MED12L: variants seen among roughly 807,000 people sequenced by gnomAD.
MED12L encodes mediator complex subunit 12L.
A neutral mutation model predicts 281.3 loss-of-function variants in MED12L; 60 were observed. The observed-to-expected ratio is 0.21, with a 90% CI of 0.17 to 0.26. The LOEUF (loss-of-function observed/expected upper bound fraction) is 0.26, where lower values mean the gene tolerates loss of function less well. MED12L is among the 10% of genes least tolerant of loss of function. MED12L has a pLI of 1.00. For synonymous variants in MED12L, 974 were observed against 987.2 expected (o/e 0.99, Z 0.25); for missense variants, 2,146 against 2,680.9 (o/e 0.80, Z 4.41).
chr3:151,224,556 A>G (rs1559900482), intron 16 of MED12L, among the ~76,000 whole-genome samples: 1 of 152,198 alleles, frequency 6.6e-6, no homozygotes, highest in African/African-American at 2.4e-5. Flanking sequence ...ATAATTTACA[A>G]ATAACTGTCT....
At chr3:151,264,211 A>T (rs1739422406) in intron 16 of MED12L, among the ~76,000 whole-genome samples, 1 of 152,136 alleles carries the variant, frequency 6.6e-6, no homozygotes. Context: ...AAATCTTTGA[A>T]GGTTGTGTTT....
chr3:151,227,711 C>T (rs1385335209), intron 16 of MED12L, among the ~76,000 whole-genome samples: 2 of 152,136 alleles, frequency 1.3e-5, no homozygotes, highest in Non-Finnish European at 2.9e-5. Flanking sequence ...AAATGGCCAC[C>T]CACTGTTAGC....
chr3:151,435,990 T>C lies in MED12L; in HGVS notation c.*3186T>C, dbSNP rs1056719012. 6 of 152,320 alleles carry C rather than the reference T, an allele frequency of 3.9e-5. No homozygotes were observed. The South Asian group carries it at 6.2e-4, about 16-fold the overall frequency. 9.4% of individuals were successfully genotyped at this position (152,320 alleles called of 1,614,324 possible). The stretch of plus-strand genomic sequence containing the variant: ...ATTTTAAAGTTATAAAGAAGTTTCA[T>C]TGTATTTTTAAAACCTTTTTAATGG... On this transcript the variant is annotated 3_prime_UTR_variant, in exon 45 of 45. Transcript: ENST00000687756.
In MED12L at chr3:151,279,582, G is replaced by A. The variant is rs145235913; in HGVS notation, c.2251-70477G>A. Among the ~76,000 whole-genome samples, 768 of 152,292 alleles carry A rather than the reference G, an allele frequency of 5.0e-3. 12 individuals carry two copies. The highest frequency in any genetic ancestry group is 0.017 in the African/African-American group (716 of 41,554). ...AGAGGGACTCTTCTTCAGACCCCCA[G>A]CGGGCCCCAATAGTCCTCACTGATG... On this transcript the variant is annotated intron_variant, in intron 16 of 44. Transcript: ENST00000687756.
At chr3:151,383,405 C>A (rs1452003907) in intron 33 of MED12L, among the ~76,000 whole-genome samples, 2 of 152,206 alleles carry the variant, frequency 1.3e-5, no homozygotes, top group Non-Finnish European at 2.9e-5. Context: ...AGTAATTGTA[C>A]AGCAAACACA....
At chr3:151,319,450 GGTGT>G (rs745624176) in intron 16 of MED12L, among the ~76,000 whole-genome samples, 39 of 126,928 alleles carry the variant, frequency 3.1e-4, no homozygotes, top group Middle Eastern at 3.4e-3. Context: ...AGAACATCCA[GGTGT>G]GTGTGTGTGT....
chr3:151,402,180 G>C (rs1715771538), intron 39 of MED12L, among the ~76,000 whole-genome samples: 2 of 152,094 alleles, frequency 1.3e-5, no homozygotes, highest in Admixed American at 1.3e-4. Context: ...TTCTATTATT[G>C]GTGAAATCCT....
chr3:151,339,243 G>A (rs1751462718), intron 16 of MED12L, among the ~76,000 whole-genome samples: 1 of 151,718 alleles, frequency 6.6e-6, no homozygotes. Flanking sequence ...TAGCTTTTTG[G>A]TTTCTATTCA....
chr3:151,321,377 T>C (rs1748977087), intron 16 of MED12L, among the ~76,000 whole-genome samples: 1 of 152,152 alleles, frequency 6.6e-6, no homozygotes, highest in Non-Finnish European at 1.5e-5. Flanking sequence ...AGGATAAAGC[T>C]TCATTCATTC....
chr3:151,252,109 C>G (rs1253290152), intron 16 of MED12L, among the ~76,000 whole-genome samples: 15 of 152,134 alleles, frequency 9.9e-5, no homozygotes, highest in Non-Finnish European at 1.0e-4. Context: ...CCTGGACCAC[C>G]CATCCCCTCC....
At chr3:151,244,047 A>C (rs1416244328) in intron 16 of MED12L, among the ~76,000 whole-genome samples, 1 of 113,826 alleles carries the variant, frequency 8.8e-6, no homozygotes, top group Non-Finnish European at 2.0e-5. Context: ...TAAAGGGATC[A>C]ATTCAACAAG....
In MED12L at chr3:151,295,006, G is replaced by A. The variant is rs138366475; in HGVS notation, c.2251-55053G>A. The stretch of plus-strand genomic sequence containing the variant: ...TGAGGTCTGCAACCACTATGTTTTT[G>A]AGATAGAATATGAAGCTGGTTTTAT... On this transcript the variant is annotated intron_variant, in intron 16 of 44. Coordinates refer to ENST00000687756, the MANE Select transcript of MED12L (RefSeq NM_001393769.1). The A allele has an allele frequency of 1.9e-6, 3 of 1,613,538 alleles. No homozygotes were observed. In the African/African-American group the frequency reaches 4.0e-5, roughly 21 times the overall value.
chr3:151,273,871 A>G (rs1474944986), intron 16 of MED12L, among the ~76,000 whole-genome samples: 1 of 152,082 alleles, frequency 6.6e-6, no homozygotes, highest in East Asian at 1.9e-4. Context: ...CATATTTAAG[A>G]CCCTCATTTT....
intron 16 of MED12L, among the ~76,000 whole-genome samples, chr3:151,229,813 A>T (rs1212410338): frequency 6.6e-6 from 1 of 152,102 alleles, no homozygotes; most frequent in African/African-American, 2.4e-5. Flanking sequence ...TAGAGCATGC[A>T]ACAATGGAGC....
intron 18 of MED12L, 70 bp downstream of exon 18, chr3:151,355,309 T>A: frequency 1.0e-6 from 1 of 1,003,494 alleles, no homozygotes; most frequent in Non-Finnish European, 1.5e-6. Context: ...TTTCATGCAG[T>A]ATATTTTCTC....
chr3:151,342,103 T>C (rs1334902329), intron 16 of MED12L, among the ~76,000 whole-genome samples: 1 of 152,248 alleles, frequency 6.6e-6, no homozygotes. Flanking sequence ...AGTAATGGGA[T>C]GGCTGGGTTA....
At chr3:151,330,519 C>T (rs1468898098) in intron 16 of MED12L, among the ~76,000 whole-genome samples, 1 of 152,086 alleles carries the variant, frequency 6.6e-6, no homozygotes, top group Non-Finnish European at 1.5e-5. Flanking sequence ...GCCAGGTAGG[C>T]ATAGGAAAAG....
At chr3:151,137,191 GA>G (rs1030610477) in intron 5 of MED12L, among the ~76,000 whole-genome samples, 3 of 146,902 alleles carry the variant, frequency 2.0e-5, no homozygotes, top group Admixed American at 6.7e-5. Context: ...AAAAAAGAAC[GA>G]AAAAAAGTTT....
At chr3:151,426,327 G>T (rs1162982511) in intron 43 of MED12L, among the ~76,000 whole-genome samples, 1 of 152,128 alleles carries the variant, frequency 6.6e-6, no homozygotes, top group Admixed American at 6.5e-5. Flanking sequence ...CCACATACAG[G>T]GTTCAGTTCT....
Sources: gnomAD v4.1 joint callset for allele counts (sites outside exome capture counted in the v4.1 genomes callset) on GRCh38, gnomAD v4.1.1 for gene constraint, MANE v1.5 for transcripts, NCBI Gene and HGNC (gene_info 2026-07-23, HGNC 2026-07-21) for gene names.